The following ABTB3 variants were observed in gnomAD, a reference collection of about 807,000 sequenced individuals.
ABTB3 encodes ankyrin repeat- and BTB/POZ domain-containing protein 3.
chr12:107,635,322 C>T, the ABTB3 span: 1 of 1,613,962 alleles, frequency 6.2e-7, no homozygotes, highest in Non-Finnish European at 8.5e-7. Flanking sequence ...GTCATCTTCA[C>T]ACACTGCTAC....
the ABTB3 span, among the ~76,000 whole-genome samples, chr12:107,328,704 A>G: frequency 6.6e-6 from 1 of 152,346 alleles, no homozygotes; most frequent in East Asian, 1.9e-4. Context: ...TTCAGCAACT[A>G]GTTCAGGATG....
the ABTB3 span, among the ~76,000 whole-genome samples, chr12:107,565,195 C>T: frequency 6.3e-3 from 962 of 152,294 alleles, 8 homozygotes; most frequent in Middle Eastern, 0.02. Context: ...TATGCAGGAG[C>T]TCCCCTGTTA....
chr12:107,324,312 T>C, the ABTB3 span, among the ~76,000 whole-genome samples: 1 of 152,116 alleles, frequency 6.6e-6, no homozygotes, highest in Non-Finnish European at 1.5e-5. Context: ...ACCTCAAGGA[T>C]TGATGCCATG....
At chr12:107,388,713 C>T in the ABTB3 span, among the ~76,000 whole-genome samples, 1 of 152,214 alleles carries the variant, frequency 6.6e-6, no homozygotes. Flanking sequence ...CAGCAGGTCT[C>T]CGTTGGGTGT....
the ABTB3 span, among the ~76,000 whole-genome samples, chr12:107,529,182 A>ATGATGATGGTGATGG: frequency 1.1e-5 from 1 of 92,382 alleles, no homozygotes; most frequent in East Asian, 2.3e-4. Context: ...GGTGATGGTG[A>ATGATGATGGTGATGG]TGATGATGGT....
the ABTB3 span, among the ~76,000 whole-genome samples, chr12:107,506,159 T>A: frequency 1.3e-5 from 2 of 152,208 alleles, no homozygotes; most frequent in Admixed American, 6.5e-5. Flanking sequence ...ATAGTGTATA[T>A]GCATTCTGCA....
the ABTB3 span, among the ~76,000 whole-genome samples, chr12:107,594,237 C>T: frequency 4.6e-5 from 7 of 152,148 alleles, no homozygotes; most frequent in African/African-American, 7.2e-5. Context: ...ACATGTGCAC[C>T]GTAATTTCAT....
the ABTB3 span, among the ~76,000 whole-genome samples, chr12:107,466,529 G>C: frequency 2.0e-5 from 3 of 151,024 alleles, no homozygotes; most frequent in Admixed American, 6.6e-5. Flanking sequence ...CTTCTCGGTG[G>C]GTGTCAAAAG....
the ABTB3 span, among the ~76,000 whole-genome samples, chr12:107,421,982 T>C: frequency 2.6e-5 from 4 of 152,336 alleles, no homozygotes; most frequent in South Asian, 8.3e-4. Context: ...AGGGAACTTA[T>C]ACTCTAGTGG....
chr12:107,598,387 A>C, the ABTB3 span, among the ~76,000 whole-genome samples: 3 of 152,204 alleles, frequency 2.0e-5, no homozygotes, highest in Admixed American at 1.3e-4. Context: ...ACTTCTACTT[A>C]CGTTTTGTTG....
the ABTB3 span, among the ~76,000 whole-genome samples, chr12:107,352,080 A>C: frequency 2.0e-5 from 3 of 152,218 alleles, no homozygotes; most frequent in South Asian, 2.1e-4. Context: ...CTAAGCAGAC[A>C]GTTCTGCCCT....
chr12:107,415,464 T>C, the ABTB3 span, among the ~76,000 whole-genome samples: 1 of 151,832 alleles, frequency 6.6e-6, no homozygotes, highest in Non-Finnish European at 1.5e-5. Flanking sequence ...ATCCGAGCAC[T>C]TTGGGAGGCC....
chr12:107,326,507 T>C, the ABTB3 span, among the ~76,000 whole-genome samples: 1 of 152,244 alleles, frequency 6.6e-6, no homozygotes. Context: ...TGTTCACATA[T>C]CATTGACCAG....
At chr12:107,353,567 A>T in the ABTB3 span, among the ~76,000 whole-genome samples, 3 of 152,188 alleles carry the variant, frequency 2.0e-5, no homozygotes, top group Non-Finnish European at 2.9e-5. Context: ...GTTTGCTTAA[A>T]GGATTACATA....
At chr12:107,481,568 G>A in the ABTB3 span, among the ~76,000 whole-genome samples, 1 of 152,116 alleles carries the variant, frequency 6.6e-6, no homozygotes, top group Non-Finnish European at 1.5e-5. Context: ...TAGAGAAGAA[G>A]GCATGGAAGC....
the ABTB3 span, among the ~76,000 whole-genome samples, chr12:107,497,152 G>A: frequency 3.6e-4 from 54 of 151,028 alleles, no homozygotes; most frequent in Middle Eastern, 3.5e-3. Flanking sequence ...CATCACAACC[G>A]CCACCATCAC....
At chr12:107,418,361 C>T in the ABTB3 span, among the ~76,000 whole-genome samples, 2 of 152,158 alleles carry the variant, frequency 1.3e-5, no homozygotes, top group African/African-American at 4.8e-5. Context: ...ATTGTGGAAC[C>T]TTGTGATTGT....
At chr12:107,550,583 CTTTT>C in the ABTB3 span, among the ~76,000 whole-genome samples, 2 of 135,246 alleles carry the variant, frequency 1.5e-5, no homozygotes, top group Non-Finnish European at 1.6e-5. Context: ...TTCTTTCTTT[CTTTT>C]TTTTTTTTTT....
the ABTB3 span, among the ~76,000 whole-genome samples, chr12:107,577,837 A>G: frequency 6.6e-6 from 1 of 152,136 alleles, no homozygotes; most frequent in South Asian, 2.1e-4. Context: ...CAAACTCTGG[A>G]TGTAAAATCA....
Sources: allele counts gnomAD v4.1 joint callset (sites outside exome capture counted in the v4.1 genomes callset), GRCh38; gene constraint gnomAD v4.1.1; transcripts MANE v1.5; gene names NCBI Gene and HGNC (gene_info 2026-07-23, HGNC 2026-07-21).